Variants in SHB observed in about 807,000 individuals in gnomAD.
SHB encodes the protein SH2 domain-containing adapter protein B.
SHB carries 20 observed loss-of-function variants against 52.3 expected under a neutral mutation model. The observed-to-expected ratio is 0.38, with a 90% confidence interval of 0.27 to 0.56. The LOEUF (loss-of-function observed/expected upper bound fraction) is 0.56, where lower values mean the gene tolerates loss of function less well. Ranked by LOEUF, SHB falls within the 20% of genes least tolerant of loss-of-function variation. The pLI is 0.71. For synonymous variants in SHB, 397 were observed against 316.5 expected, an observed-to-expected ratio of 1.25 and a Z score of -2.70; for missense variants, 825 against 723.3, an observed-to-expected ratio of 1.14 and a Z score of -1.61.
chr9:38,022,292 A>ACT (rs1821290862), intron 1 of SHB, among the ~76,000 whole-genome samples: 1 of 151,984 alleles, frequency 6.6e-6, no homozygotes, highest in South Asian at 2.1e-4. Flanking sequence ...AAAACAAGAC[A>ACT]CTCTCTCCTT....
At chr9:38,059,170 C>A (rs1196512851) in intron 1 of SHB, among the ~76,000 whole-genome samples, 1 of 152,222 alleles carries the variant, frequency 6.6e-6, no homozygotes, top group African/African-American at 2.4e-5. Flanking sequence ...GCTCTCACAG[C>A]CCCCTGGGAA....
intron 1 of SHB, among the ~76,000 whole-genome samples, chr9:38,035,721 A>C (rs552377324): frequency 5.4e-4 from 82 of 152,132 alleles, no homozygotes; most frequent in Non-Finnish European, 4.3e-4. Context: ...AAATTACCAT[A>C]TAGAAAATAT....
intron 3 of SHB, among the ~76,000 whole-genome samples, chr9:37,965,136 A>G (rs1402523116): frequency 6.6e-6 from 1 of 152,230 alleles, no homozygotes; most frequent in Non-Finnish European, 1.5e-5. Context: ...CCAAAGCCCC[A>G]GCCCCACTGT....
At position 38,029,627 on chromosome 9, in the gene SHB, A is replaced by C. The variant is rs1162849728; in HGVS notation, c.718-13496T>G. Among the ~76,000 whole-genome samples, 6 of 152,004 alleles carry C rather than the reference A, an allele frequency of 3.9e-5. No individual in the cohort carries two copies. The East Asian group carries it at 1.2e-3, about 29-fold the overall frequency. On this transcript the variant is annotated intron_variant, in intron 1 of 5. Coordinates refer to ENST00000377707, the MANE Select transcript of SHB (RefSeq NM_003028.3). ...CACCTCTGCCTCCCGAGTAGCTGGG[A>C]TTACAGGCACACGCCACCACGTCCA...
At chr9:38,003,656 C>T (rs1298751325) in intron 2 of SHB, among the ~76,000 whole-genome samples, 2 of 152,200 alleles carry the variant, frequency 1.3e-5, no homozygotes, top group Non-Finnish European at 2.9e-5. Context: ...AGGACAGGAG[C>T]ATGGGGCCGG....
chr9:37,946,920 C>T (rs79736398), intron 5 of SHB, among the ~76,000 whole-genome samples: 3,691 of 151,952 alleles, frequency 0.024, 67 homozygotes, highest in Non-Finnish European at 0.039. Flanking sequence ...TGAGTCCTGT[C>T]GCTGATGCCA....
At chr9:38,045,478 G>A (rs1302621733) in intron 1 of SHB, among the ~76,000 whole-genome samples, 1 of 151,868 alleles carries the variant, frequency 6.6e-6, no homozygotes, top group Non-Finnish European at 1.5e-5. Context: ...CCGATAGGTG[G>A]CGCGCACCTG....
chr9:37,996,143 G>C lies in SHB; in HGVS notation c.838+19868C>G, dbSNP rs150490494. Reference sequence around the variant, plus strand: ...ATGACTGCAGCCATTCTGTGTGCCCGTAGTCAGCCAGGGTCTGCAGGTGGG... The same window carrying C: ...ATGACTGCAGCCATTCTGTGTGCCCCTAGTCAGCCAGGGTCTGCAGGTGGG... On this transcript the variant is annotated intron_variant, in intron 2 of 5. Coordinates refer to ENST00000377707, the MANE Select transcript of SHB (RefSeq NM_003028.3). Among the ~76,000 whole-genome samples the C allele has an allele frequency of 2.7e-3, 407 of 152,308 alleles. 3 individuals carry two copies. The highest frequency in any genetic ancestry group is 9.4e-3 in the African/African-American group (389 of 41,576).
chr9:37,974,210 C>T (rs1431806854), intron 3 of SHB, among the ~76,000 whole-genome samples: 1 of 152,078 alleles, frequency 6.6e-6, no homozygotes, highest in Non-Finnish European at 1.5e-5. Context: ...GAGCCGAGAT[C>T]GCATCACTGC....
intron 1 of SHB, among the ~76,000 whole-genome samples, chr9:38,064,524 G>A (rs541890895): frequency 4.2e-4 from 64 of 152,256 alleles, no homozygotes; most frequent in African/African-American, 1.4e-3. Context: ...CTCCTGCAGC[G>A]TGCAGTCACC....
At chr9:38,010,382 C>T (rs980974308) in intron 2 of SHB, among the ~76,000 whole-genome samples, 2 of 152,176 alleles carry the variant, frequency 1.3e-5, no homozygotes, top group East Asian at 3.8e-4. Context: ...ATCTCAGGCA[C>T]AAAAACACGC....
chr9:37,932,703 G>T (rs1349667728), intron 5 of SHB, among the ~76,000 whole-genome samples: 1 of 152,104 alleles, frequency 6.6e-6, no homozygotes, highest in African/African-American at 2.4e-5. Flanking sequence ...AACCCCAAAT[G>T]CCTGGGCTCA....
At chr9:38,035,537 C>G (rs996897092) in intron 1 of SHB, among the ~76,000 whole-genome samples, 1 of 152,126 alleles carries the variant, frequency 6.6e-6, no homozygotes, top group African/African-American at 2.4e-5. Flanking sequence ...TTCTCCACCT[C>G]TTTCCCCAGT....
At chr9:38,040,264 A>T (rs1292279154) in intron 1 of SHB, among the ~76,000 whole-genome samples, 2 of 152,180 alleles carry the variant, frequency 1.3e-5, no homozygotes, top group African/African-American at 4.8e-5. Flanking sequence ...CTGGCTGGCC[A>T]TGTGTGTGAC....
At chr9:37,943,338 A>C (rs919779339) in intron 5 of SHB, among the ~76,000 whole-genome samples, 3 of 152,092 alleles carry the variant, frequency 2.0e-5, no homozygotes, top group East Asian at 1.9e-4. Context: ...TATAGGTGTA[A>C]GTGTCTTCCT....
At chr9:38,039,252 C>A (rs1377732491) in intron 1 of SHB, among the ~76,000 whole-genome samples, 1 of 152,210 alleles carries the variant, frequency 6.6e-6, no homozygotes, top group African/African-American at 2.4e-5. Context: ...AAACAAAAAA[C>A]CACTTTTCTG....
At chr9:38,022,433 C>T (rs1821292630) in intron 1 of SHB, among the ~76,000 whole-genome samples, 1 of 152,240 alleles carries the variant, frequency 6.6e-6, no homozygotes, top group South Asian at 2.1e-4. Context: ...GAGAGGGTCA[C>T]TCTGAGAGAA....
chr9:38,049,885 C>T (rs574211223), intron 1 of SHB, among the ~76,000 whole-genome samples: 9 of 151,778 alleles, frequency 5.9e-5, no homozygotes, highest in East Asian at 2.0e-4. Flanking sequence ...CTGCAACCTC[C>T]GCCTCCCGGA....
intron 1 of SHB, among the ~76,000 whole-genome samples, chr9:38,035,082 G>A (rs1821467751): frequency 6.6e-6 from 1 of 152,060 alleles, no homozygotes; most frequent in Non-Finnish European, 1.5e-5. Flanking sequence ...ATAATTGAAG[G>A]GACCGAGGGG....
Sources: gnomAD v4.1 joint callset for allele counts (sites outside exome capture counted in the v4.1 genomes callset) on GRCh38, gnomAD v4.1.1 for gene constraint, MANE v1.5 for transcripts, NCBI Gene and HGNC (gene_info 2026-07-23, HGNC 2026-07-21) for gene names.